The following COL25A1 variants were observed in gnomAD, a reference collection of about 807,000 sequenced individuals.
The protein encoded by COL25A1 is collagen alpha-1(XXV) chain.
In COL25A1, 103 loss-of-function variants were observed where a neutral mutation model predicts 128.4. The observed-to-expected ratio is 0.80, with a 90% CI of 0.68 to 0.94. The LOEUF is 0.94. Ranked by LOEUF, COL25A1 falls within the 40% of genes least tolerant of loss-of-function variation. The pLI is 0.00. For missense variants in COL25A1, 745 were observed against 840.0 expected (o/e 0.89, Z 1.40); for synonymous variants, 279 against 277.2 (o/e 1.01, Z -0.06).
chr4:109,213,204 C>G (rs1777715895), intron 3 of COL25A1, among the ~76,000 whole-genome samples: 1 of 152,122 alleles, frequency 6.6e-6, no homozygotes, highest in Non-Finnish European at 1.5e-5. Context: ...CTAGCAGAAT[C>G]TAATCTAAGA....
chr4:108,864,683 T>C (rs573955737), intron 20 of COL25A1, among the ~76,000 whole-genome samples: 2 of 152,308 alleles, frequency 1.3e-5, no homozygotes, highest in South Asian at 4.1e-4. Context: ...TATTGTGGAT[T>C]GGATCCCTGG....
intron 3 of COL25A1, among the ~76,000 whole-genome samples, chr4:109,258,183 T>A (rs922310901): frequency 3.3e-5 from 5 of 152,250 alleles, no homozygotes; most frequent in Non-Finnish European, 7.3e-5. Context: ...CTGGTCCATC[T>A]ACACTTCATA....
intron 3 of COL25A1, among the ~76,000 whole-genome samples, chr4:109,103,657 T>G (rs1429321278): frequency 6.6e-6 from 1 of 152,212 alleles, no homozygotes; most frequent in Non-Finnish European, 1.5e-5. Flanking sequence ...GAATGAAGTC[T>G]TTTGAGAAGT....
intron 6 of COL25A1, among the ~76,000 whole-genome samples, chr4:108,996,199 T>C (rs1187049085): frequency 1.3e-5 from 2 of 148,800 alleles, no homozygotes; most frequent in African/African-American, 5.0e-5. Context: ...TCAGGACCCA[T>C]CGGTGTGCTG....
intron 5 of COL25A1, among the ~76,000 whole-genome samples, chr4:109,032,447 T>C (rs1398560463): frequency 2.0e-5 from 3 of 152,226 alleles, no homozygotes; most frequent in Non-Finnish European, 4.4e-5. Flanking sequence ...AAGAGGTTAG[T>C]GCACTTTAAG....
Position 109,172,536 on chromosome 4 carries a change from C to T in COL25A1, c.368-122357G>A, listed in dbSNP as rs181482729. On this transcript the variant is annotated intron_variant, in intron 3 of 37. Coordinates refer to ENST00000399132, the MANE Select transcript of COL25A1 (RefSeq NM_198721.4). ...GGGTCTAAGTGTCCTGCCTGTAGGA[C>T]GATAATCCATCTTGATTATAATCCA... is the stretch of plus-strand genomic sequence containing the variant. 7.4e-4 allele frequency among the ~76,000 whole-genome samples: 112 copies of T among 151,884 alleles called. 1 individual carries two copies. Among genetic ancestry groups the T allele is most frequent in the African/African-American group, 2.4e-3 (101 of 41,368 alleles).
chr4:109,291,720 AAC>A (rs1246478050), intron 3 of COL25A1, among the ~76,000 whole-genome samples: 3 of 152,094 alleles, frequency 2.0e-5, no homozygotes, highest in Admixed American at 6.5e-5. Context: ...AATTTGAAGA[AAC>A]ACAGAAAATT....
At chr4:109,006,314 C>T (rs552681526) in intron 6 of COL25A1, among the ~76,000 whole-genome samples, 35 of 147,542 alleles carry the variant, frequency 2.4e-4, no homozygotes, top group African/African-American at 5.5e-4. Flanking sequence ...CAGGTTCAAG[C>T]GGTTCTCCTG....
chr4:109,205,694 T>A (rs1776924186), intron 3 of COL25A1, among the ~76,000 whole-genome samples: 1 of 152,164 alleles, frequency 6.6e-6, no homozygotes, highest in Non-Finnish European at 1.5e-5. Flanking sequence ...ATTTTTAGAC[T>A]ATCCGTTACC....
rs553584041 is a variant in COL25A1, at chr4:108,882,403, G to A, written c.1020+1775C>T. Among the ~76,000 whole-genome samples the A allele has an allele frequency of 1.1e-4, 17 of 152,142 alleles. No homozygotes were observed. The East Asian group carries it at 1.4e-3, about 12-fold the overall frequency. On this transcript the variant is annotated intron_variant, in intron 19 of 37. Transcript: ENST00000399132. Reference sequence around the variant, plus strand: ...TTCCTGCAAGAGAAGCTGGTACCCCGATAACCTACAAGCACTTACTGCAGC... The same window carrying A: ...TTCCTGCAAGAGAAGCTGGTACCCCAATAACCTACAAGCACTTACTGCAGC...
chr4:109,197,965 A>G (rs559289570), intron 3 of COL25A1, among the ~76,000 whole-genome samples: 1 of 152,204 alleles, frequency 6.6e-6, no homozygotes, highest in East Asian at 1.9e-4. Flanking sequence ...TTCACCCAAC[A>G]CATTTTCTCA....
At chr4:109,055,688 G>A (rs916364430) in intron 3 of COL25A1, among the ~76,000 whole-genome samples, 1 of 152,156 alleles carries the variant, frequency 6.6e-6, no homozygotes, top group African/African-American at 2.4e-5. Flanking sequence ...AGCTCATGAA[G>A]GGAGAAATTC....
chr4:109,113,564 T>G (rs1247939615), intron 3 of COL25A1, among the ~76,000 whole-genome samples: 1 of 152,150 alleles, frequency 6.6e-6, no homozygotes, highest in Non-Finnish European at 1.5e-5. Context: ...AATGTTAAAA[T>G]GTTAATGGAT....
At chr4:108,848,921 AC>A in intron 26 of COL25A1, 118 bp from the exon 27 acceptor site, 1 of 719,428 alleles carries the variant, frequency 1.4e-6, no homozygotes, top group Non-Finnish European at 2.5e-6. Flanking sequence ...ATGCATCATA[AC>A]CCGAGAATAT....
chr4:109,057,378 CT>C (rs1761540430), intron 3 of COL25A1, among the ~76,000 whole-genome samples: 1 of 148,156 alleles, frequency 6.7e-6, no homozygotes, highest in East Asian at 2.0e-4. Context: ...AGCGATTCTC[CT>C]ACCTTAGCCT....
chr4:108,920,824 C>A (rs1157222144), intron 11 of COL25A1, among the ~76,000 whole-genome samples: 1 of 152,078 alleles, frequency 6.6e-6, no homozygotes, highest in Admixed American at 6.6e-5. Flanking sequence ...CAGCAGGATT[C>A]TGATTTCTCC....
chr4:109,140,207 C>G (rs997797103), intron 3 of COL25A1, among the ~76,000 whole-genome samples: 1 of 152,112 alleles, frequency 6.6e-6, no homozygotes, highest in Non-Finnish European at 1.5e-5. Context: ...ATGGCTGGGT[C>G]AAATGGTATT....
intron 8 of COL25A1, among the ~76,000 whole-genome samples, chr4:108,942,749 C>CTTTTT (rs746618908): frequency 2.0e-4 from 14 of 69,954 alleles, no homozygotes; most frequent in Non-Finnish European, 3.2e-4. Flanking sequence ...CACATCTGGA[C>CTTTTT]TTTTTTTTTT....
At chr4:109,216,788 T>G (rs1478765672) in intron 3 of COL25A1, among the ~76,000 whole-genome samples, 1 of 152,184 alleles carries the variant, frequency 6.6e-6, no homozygotes, top group Admixed American at 6.5e-5. Context: ...TGTATGATAC[T>G]TTATTACAAC....
Sources: allele counts gnomAD v4.1 joint callset (sites outside exome capture counted in the v4.1 genomes callset), GRCh38; gene constraint gnomAD v4.1.1; transcripts MANE v1.5; gene names NCBI Gene and HGNC (gene_info 2026-07-23, HGNC 2026-07-21).